The following PRKG1 variants were observed in gnomAD, a reference collection of about 807,000 sequenced individuals.
PRKG1 encodes the protein cGMP-dependent protein kinase 1.
A neutral mutation model predicts 88.1 loss-of-function variants in PRKG1; 35 were observed. That is an observed-to-expected ratio of 0.40 (90% CI 0.30 to 0.53). The LOEUF is 0.53. Ranked by LOEUF, PRKG1 falls within the 20% of genes least tolerant of loss-of-function variation. PRKG1 has a pLI of 0.59. For missense variants in PRKG1, 540 were observed against 839.8 expected (o/e 0.64, Z 4.41); for synonymous variants, 303 against 292.5 (o/e 1.04, Z -0.37).
chr10:51,871,597 T>C (rs1841160590), intron 4 of PRKG1, among the ~76,000 whole-genome samples: 1 of 152,214 alleles, frequency 6.6e-6, no homozygotes, highest in Admixed American at 6.5e-5. Context: ...TCAGGAAAGA[T>C]CCTCTTGCCC....
intron 5 of PRKG1, among the ~76,000 whole-genome samples, chr10:51,918,394 T>C (rs561538315): frequency 1.4e-3 from 216 of 152,084 alleles, no homozygotes; most frequent in Non-Finnish European, 2.7e-3. Flanking sequence ...GCATTTTAAA[T>C]TTGTTGTGAC....
intron 10 of PRKG1, among the ~76,000 whole-genome samples, chr10:52,252,999 G>A (rs566126227): frequency 4.6e-5 from 7 of 152,148 alleles, no homozygotes; most frequent in African/African-American, 1.7e-4. Context: ...CATTATACAT[G>A]AACTGCTTTG....
intron 1 of PRKG1, among the ~76,000 whole-genome samples, chr10:51,016,673 C>CTTCTTTCTTTTTTTTTTTTTT (rs1564571435): frequency 2.8e-4 from 10 of 35,184 alleles, no homozygotes; most frequent in Admixed American, 4.7e-4. Context: ...ATTATCCTTT[C>CTTCTTTCTTTTTTTTTTTTTT]TTTTTTTTTT....
At chr10:51,978,098 T>A (rs1472505561) in intron 5 of PRKG1, among the ~76,000 whole-genome samples, 1 of 152,068 alleles carries the variant, frequency 6.6e-6, no homozygotes, top group Non-Finnish European at 1.5e-5. Context: ...TTTTTATAGT[T>A]TTGAGTTTTA....
intron 2 of PRKG1, among the ~76,000 whole-genome samples, chr10:51,294,849 G>A (rs1360868674): frequency 3.3e-5 from 5 of 152,086 alleles, no homozygotes; most frequent in Non-Finnish European, 5.9e-5. Flanking sequence ...GAGACAGGAG[G>A]ATCACTTGAG....
intron 3 of PRKG1, among the ~76,000 whole-genome samples, chr10:51,577,021 A>T (rs924452935): frequency 6.6e-6 from 1 of 151,970 alleles, no homozygotes; most frequent in African/African-American, 2.4e-5. Context: ...GAACTATCAT[A>T]CTTGGATTCT....
chr10:51,392,794 G>A (rs1231687070), intron 2 of PRKG1, among the ~76,000 whole-genome samples: 1 of 148,610 alleles, frequency 6.7e-6, no homozygotes, highest in Non-Finnish European at 1.5e-5. Flanking sequence ...GGACGGGGCG[G>A]CTGGCCGGGC....
chr10:51,072,478 A>T (rs2132799028), upstream of PRKG1, among the ~76,000 whole-genome samples: 1 of 152,266 alleles, frequency 6.6e-6, no homozygotes, highest in South Asian at 2.1e-4. Context: ...GAATACAGTG[A>T]GTTATACAAA....
intron 1 of PRKG1, among the ~76,000 whole-genome samples, chr10:51,041,297 CTGCT>C (rs1843418073): frequency 1.3e-5 from 2 of 152,144 alleles, no homozygotes; most frequent in Non-Finnish European, 2.9e-5. Flanking sequence ...CCCCAGGAGC[CTGCT>C]TGGTGCTCTA....
chr10:51,645,326 A>G (rs1156663682), intron 3 of PRKG1, among the ~76,000 whole-genome samples: 1 of 152,226 alleles, frequency 6.6e-6, no homozygotes, highest in Non-Finnish European at 1.5e-5. Context: ...ATTAGAAGAC[A>G]GCATTTCAAG....
At chr10:52,065,666 T>C (rs1846339198) in intron 7 of PRKG1, among the ~76,000 whole-genome samples, 1 of 152,200 alleles carries the variant, frequency 6.6e-6, no homozygotes, top group East Asian at 1.9e-4. Context: ...GATGAACATA[T>C]AGTTGCCATT....
chr10:51,234,057 T>G (rs938452832), intron 2 of PRKG1, among the ~76,000 whole-genome samples: 2 of 152,152 alleles, frequency 1.3e-5, no homozygotes, highest in African/African-American at 4.8e-5. Context: ...GGGAGCCTGT[T>G]TAGTGCCCAA....
At chr10:51,042,261 A>G (rs1200816539) in intron 1 of PRKG1, among the ~76,000 whole-genome samples, 1 of 152,216 alleles carries the variant, frequency 6.6e-6, no homozygotes, top group Non-Finnish European at 1.5e-5. Context: ...AAATGCTTTC[A>G]CGCAGTAAAA....
chr10:51,447,511 C>A (rs912237655), intron 2 of PRKG1, among the ~76,000 whole-genome samples: 1 of 152,074 alleles, frequency 6.6e-6, no homozygotes, highest in Non-Finnish European at 1.5e-5. Flanking sequence ...TTACACTAAA[C>A]TGCTATTTTT....
chr10:51,276,801 T>C (rs561122460), intron 2 of PRKG1, among the ~76,000 whole-genome samples: 264 of 152,334 alleles, frequency 1.7e-3, no homozygotes, highest in Non-Finnish European at 3.1e-3. Context: ...CGCCCACTTT[T>C]TGATGGGGTT....
chr10:51,533,617 T>TAAAAAAAAAAAAAAAA (rs34738901), intron 3 of PRKG1, among the ~76,000 whole-genome samples: 2 of 142,854 alleles, frequency 1.4e-5, no homozygotes, highest in Non-Finnish European at 3.0e-5. Context: ...CTAAAAGCTT[T>TAAAAAAAAAAAAAAAA]AAAAAAAAAA....
chr10:51,732,510 A>G (rs1356044818), intron 3 of PRKG1, among the ~76,000 whole-genome samples: 1 of 152,240 alleles, frequency 6.6e-6, no homozygotes, highest in Non-Finnish European at 1.5e-5. Flanking sequence ...AGAGGTATAC[A>G]GAGAGCAAGA....
intron 2 of PRKG1, among the ~76,000 whole-genome samples, chr10:51,276,921 C>T (rs1473566877): frequency 2.0e-5 from 3 of 152,158 alleles, no homozygotes; most frequent in African/African-American, 4.8e-5. Flanking sequence ...TGCCTGTTCA[C>T]TCTGATGGTA....
intron 2 of PRKG1, among the ~76,000 whole-genome samples, chr10:51,324,706 A>C (rs1408874457): frequency 4.6e-5 from 7 of 152,024 alleles, no homozygotes; most frequent in Non-Finnish European, 1.0e-4. Context: ...GCGCCACTGC[A>C]CTCCAGCCTG....
Sources: allele counts gnomAD v4.1 joint callset (sites outside exome capture counted in the v4.1 genomes callset), GRCh38; gene constraint gnomAD v4.1.1; transcripts MANE v1.5; gene names NCBI Gene and HGNC (gene_info 2026-07-23, HGNC 2026-07-21).